ZNF385D: variants seen among roughly 807,000 people sequenced by gnomAD.
The protein encoded by ZNF385D is zinc finger protein 659.
ZNF385D carries 15 observed loss-of-function variants against 35.8 expected under a neutral mutation model. That is an observed-to-expected ratio of 0.42 (90% confidence interval 0.28 to 0.64). The LOEUF is 0.64. Ranked by LOEUF, ZNF385D falls within the 30% of genes least tolerant of loss-of-function variation. The pLI is 0.23. For synonymous variants in ZNF385D, 212 were observed against 186.8 expected, an observed-to-expected ratio of 1.13 and a Z score of -1.10; for missense variants, 474 against 494.6, an observed-to-expected ratio of 0.96 and a Z score of 0.39.
rs1302630227 is a variant in ZNF385D at position 21,919,985 on chromosome 3, T to C, written c.325+248832A>G. ...ATACCATAAGAATAACAATCTCCTA[T>C]TGGAATCATCATCACATTGCATTGA... On this transcript the variant is annotated intron_variant, in intron 3 of 5. Coordinates refer to the ZNF385D transcript ENST00000494108. Among the ~76,000 whole-genome samples, 8 of 152,220 alleles carry C rather than the reference T, an allele frequency of 5.3e-5. No homozygotes were observed. In the South Asian group the frequency reaches 1.2e-3, roughly 24 times the overall value.
At chr3:21,524,158 G>A (rs1052065797) in intron 3 of ZNF385D, among the ~76,000 whole-genome samples, 2 of 152,168 alleles carry the variant, frequency 1.3e-5, no homozygotes, top group East Asian at 1.9e-4. Context: ...GTTAGGATAC[G>A]TTGAGTTTAA....
At chr3:21,697,608 G>T (rs2067519059) in intron 1 of ZNF385D, among the ~76,000 whole-genome samples, 1 of 152,098 alleles carries the variant, frequency 6.6e-6, no homozygotes, top group African/African-American at 2.4e-5. Context: ...GGACAAATGG[G>T]ACTTAATTAA....
chr3:22,249,608 C>T lies in ZNF385D; in HGVS notation c.107-80573G>A, dbSNP rs534181482. On this transcript the variant is annotated intron_variant, in intron 2 of 5. Coordinates refer to the ZNF385D transcript ENST00000494108. ...AAGGATGAGGTCAGACAGGCTGATT[C>T]GTTATGCTGGAAATTACTAAGGATA... Among the ~76,000 whole-genome samples, 8 of 152,282 alleles carry T rather than the reference C, an allele frequency of 5.3e-5. No homozygotes were observed. In the East Asian group the frequency reaches 5.8e-4, roughly 11 times the overall value.
intron 3 of ZNF385D, among the ~76,000 whole-genome samples, chr3:22,066,386 A>T (rs1229050507): frequency 1.3e-5 from 2 of 148,208 alleles, no homozygotes. Context: ...GTATGTAAAA[A>T]GATACTGGGT....
chr3:22,161,887 G>A (rs1302441752), intron 3 of ZNF385D, among the ~76,000 whole-genome samples: 1 of 152,096 alleles, frequency 6.6e-6, no homozygotes, highest in African/African-American at 2.4e-5. Context: ...AGTTTGCCAG[G>A]GAGATTAATG....
intron 2 of ZNF385D, among the ~76,000 whole-genome samples, chr3:22,181,487 G>T (rs978805130): frequency 6.6e-6 from 1 of 152,044 alleles, no homozygotes; most frequent in Non-Finnish European, 1.5e-5. Context: ...ACGAGGTCAG[G>T]AGATCGAGAC....
intron 2 of ZNF385D, among the ~76,000 whole-genome samples, chr3:22,240,149 C>T (rs1699409219): frequency 7.0e-6 from 1 of 142,516 alleles, no homozygotes; most frequent in South Asian, 2.5e-4. Flanking sequence ...TATCACTGCA[C>T]TCCAGCCTAG....
chr3:22,220,988 CAAAAAT>C (rs1698218412), intron 2 of ZNF385D, among the ~76,000 whole-genome samples: 1 of 152,046 alleles, frequency 6.6e-6, no homozygotes, highest in Non-Finnish European at 1.5e-5. Flanking sequence ...TCTCTATAAA[CAAAAAT>C]AAAATTTCCT....
intron 2 of ZNF385D, among the ~76,000 whole-genome samples, chr3:22,249,317 A>T (rs1471966479): frequency 6.6e-6 from 1 of 152,180 alleles, no homozygotes; most frequent in Non-Finnish European, 1.5e-5. Context: ...TAATGCAAAC[A>T]ATAATGTGTC....
intron 3 of ZNF385D, among the ~76,000 whole-genome samples, chr3:21,822,190 G>C (rs966442232): frequency 3.3e-5 from 5 of 151,876 alleles, no homozygotes; most frequent in African/African-American, 1.2e-4. Context: ...TCATGCCTCA[G>C]CCTCCCTAGT....
chr3:21,805,277 G>A (rs901640737), intron 3 of ZNF385D, among the ~76,000 whole-genome samples: 1 of 152,172 alleles, frequency 6.6e-6, no homozygotes, highest in African/African-American at 2.4e-5. Context: ...ATATATATGT[G>A]TAAATAGTGT....
chr3:21,961,830 C>A (rs1006560424), intron 3 of ZNF385D, among the ~76,000 whole-genome samples: 3 of 151,970 alleles, frequency 2.0e-5, no homozygotes, highest in Non-Finnish European at 2.9e-5. Context: ...GGGAGCAACT[C>A]TGAAAGAAGG....
chr3:22,291,631 T>A (rs902242579), intron 2 of ZNF385D, among the ~76,000 whole-genome samples: 4 of 152,042 alleles, frequency 2.6e-5, no homozygotes, highest in African/African-American at 9.7e-5. Flanking sequence ...GTAATAATTT[T>A]ATTGTTTTAC....
chr3:21,782,005 C>T (rs1043071593), intron 3 of ZNF385D, among the ~76,000 whole-genome samples: 1 of 152,058 alleles, frequency 6.6e-6, no homozygotes, highest in African/African-American at 2.4e-5. Context: ...CATGGCTTTC[C>T]CGCCTCCACT....
At chr3:22,063,281 G>C (rs796555894) in intron 3 of ZNF385D, among the ~76,000 whole-genome samples, 26 of 152,080 alleles carry the variant, frequency 1.7e-4, no homozygotes, top group African/African-American at 5.8e-4. Context: ...CTAGAACATT[G>C]TCTGATTAAT....
intron 4 of ZNF385D, among the ~76,000 whole-genome samples, chr3:21,472,195 C>T (rs975388019): frequency 1.3e-5 from 2 of 152,094 alleles, no homozygotes; most frequent in Admixed American, 6.6e-5. Flanking sequence ...CATTTAGTTA[C>T]ATTTTAACAT....
chr3:22,022,799 G>A (rs259437), intron 3 of ZNF385D, among the ~76,000 whole-genome samples: 48,969 of 151,884 alleles, frequency 0.32, 8,353 homozygotes, highest in South Asian at 0.44. Flanking sequence ...AAATAGTACT[G>A]TTCTTTCAAA....
intron 3 of ZNF385D, chr3:21,878,203 G>A (rs1346175469): frequency 6.6e-6 from 1 of 151,896 alleles, no homozygotes; most frequent in Non-Finnish European, 1.5e-5. Context: ...GGAAACTAAG[G>A]TATAGAGAGA....
In ZNF385D at chr3:21,412,890, G is replaced by A. The variant is rs1171349105; in HGVS notation, c.*8324C>T. ...TGGAAGCAGCTTCATTTTATAGTGG[G>A]GGAAATTATTGGCATATGGGGGATT... On this transcript the variant is annotated 3_prime_UTR_variant, in exon 8 of 8. Transcript: ENST00000281523. 2.0e-5 allele frequency: 3 copies of A among 151,996 alleles called. No individual in the cohort carries two copies. Among genetic ancestry groups the A allele is most frequent in the Non-Finnish European group, 2.9e-5 (2 of 67,960 alleles). The allele number at this position is 151,996 out of a possible 1,614,324, so 9.4% of individuals were successfully genotyped here. A position where few individuals can be genotyped will look rare whatever the true frequency, so the allele number is the denominator to read the frequency against.
Sources: allele counts gnomAD v4.1 joint callset (sites outside exome capture counted in the v4.1 genomes callset), GRCh38; gene constraint gnomAD v4.1.1; transcripts MANE v1.5; gene names NCBI Gene and HGNC (gene_info 2026-07-23, HGNC 2026-07-21).